HMCN1: variants seen among roughly 807,000 people sequenced by gnomAD.
HMCN1 encodes the protein hemicentin 1.
HMCN1 carries 321 observed loss-of-function variants against 625.9 expected under a neutral mutation model. The ratio of observed to expected loss-of-function variants is 0.51; its 90% CI spans 0.47 to 0.56. The LOEUF (loss-of-function observed/expected upper bound fraction) is 0.56. Ranked by LOEUF, HMCN1 falls within the 20% of genes least tolerant of loss-of-function variation. The probability of loss-of-function intolerance (pLI) is 0.00; values close to 1 mark genes in which losing one functional copy is unlikely to be tolerated. For synonymous variants in HMCN1, 2,425 were observed against 2,417.6 expected, an observed-to-expected ratio of 1.00 and a Z score of -0.09; for missense variants, 6,588 against 6,887.3, an observed-to-expected ratio of 0.96 and a Z score of 1.54.
chr1:185,980,596 G>GTGGTGCAGAGCACCACCATTGA (rs573729912), intron 16 of HMCN1, among the ~76,000 whole-genome samples: 1 of 152,162 alleles, frequency 6.6e-6, no homozygotes, highest in Non-Finnish European at 1.5e-5. Flanking sequence ...TAACAGGGTG[G>GTGGTGCAGAGCACCACCATTGA]TGGTGCAGAG....
intron 2 of HMCN1, among the ~76,000 whole-genome samples, chr1:185,863,774 G>C (rs1172721609): frequency 3.3e-5 from 5 of 152,128 alleles, no homozygotes. Context: ...AGAGATTATA[G>C]GTTAATAGGA....
intron 15 of HMCN1, among the ~76,000 whole-genome samples, chr1:185,973,553 T>C (rs567703281): frequency 1.3e-5 from 2 of 152,076 alleles, no homozygotes; most frequent in Non-Finnish European, 2.9e-5. Context: ...TTTCAGATTG[T>C]TTTTGTGGGC....
intron 99 of HMCN1, 84 bp from the exon 100 acceptor site, chr1:186,166,724 G>C: frequency 6.3e-7 from 1 of 1,596,978 alleles, no homozygotes; most frequent in South Asian, 1.1e-5. Flanking sequence ...GTCCTTCACT[G>C]CTTTTTGTAT....
intron 1 of HMCN1, among the ~76,000 whole-genome samples, chr1:185,745,159 G>C (rs1309554421): frequency 6.6e-6 from 1 of 152,190 alleles, no homozygotes. Context: ...TCCCAGGCCA[G>C]TAAGTGCTGA....
chr1:186,020,137 TA>T (rs1298516228), intron 35 of HMCN1, among the ~76,000 whole-genome samples: 1 of 151,834 alleles, frequency 6.6e-6, no homozygotes, highest in African/African-American at 2.4e-5. Flanking sequence ...AGACTCAATT[TA>T]AAAAAAATTG....
Position 185,846,059 on chromosome 1 carries a change from A to G in HMCN1, c.302A>G (p.Lys101Arg), listed in dbSNP as rs774524448. Residue 101 changes from lysine (K) to arginine (R), a missense_variant, in exon 2 of 107, where the codon AAG (lysine) becomes AGG (arginine). Around this residue, in one of 3 missense-constraint regions of HMCN1, gnomAD observed 4,628 missense variants for 4,853.1 expected, o/e 0.95. Transcript: ENST00000271588. ...CCAGTGACAATTACCACAGATCCCA[A>G]GAAATTTCAATATGAACTCAGAGAA... is the stretch of plus-strand genomic sequence containing the variant. ...IGPVTITTDPKKFQYELRELY... is the reference protein window; with the variant it reads ...IGPVTITTDPRKFQYELRELY... The G allele has an allele frequency of 5.6e-6, 9 of 1,612,534 alleles. No homozygotes were observed. Among genetic ancestry groups the G allele is most frequent in the Admixed American group, 1.7e-5 (1 of 59,984 alleles).
intron 24 of HMCN1, among the ~76,000 whole-genome samples, chr1:185,997,221 A>G (rs1419483315): frequency 6.6e-6 from 1 of 152,130 alleles, no homozygotes; most frequent in Non-Finnish European, 1.5e-5. Context: ...TGGGAAGCAT[A>G]AAATAATGAA....
rs772318755 is a variant in HMCN1 at position 186,065,436 on chromosome 1, G to A, written c.7705+7G>A. On this transcript the variant is annotated splice_region_variant and intron_variant, in intron 49 of 106. Coordinates refer to ENST00000271588, the MANE Select transcript of HMCN1 (RefSeq NM_031935.3). Reference sequence around the variant, plus strand: ...TTCAGTCTTAATGTATTTGGTAGGTGTGGGCTTTTCTTCATATCTTAAAGA... The same window carrying A: ...TTCAGTCTTAATGTATTTGGTAGGTATGGGCTTTTCTTCATATCTTAAAGA... 9 of 1,575,972 alleles carry A rather than the reference G, an allele frequency of 5.7e-6. No individual in the cohort carries two copies. The highest frequency in any genetic ancestry group is 1.4e-5 in the African/African-American group (1 of 73,316).
chr1:185,907,316 G>A (rs554139341), intron 4 of HMCN1, among the ~76,000 whole-genome samples: 1 of 151,782 alleles, frequency 6.6e-6, no homozygotes, highest in Non-Finnish European at 1.5e-5. Flanking sequence ...CAATTCATCC[G>A]TGATGACACT....
chr1:185,829,063 TG>T (rs1319771820), intron 1 of HMCN1, among the ~76,000 whole-genome samples: 2 of 152,080 alleles, frequency 1.3e-5, no homozygotes, highest in Non-Finnish European at 2.9e-5. Flanking sequence ...AAATACACCA[TG>T]TAAAAAAGGA....
At chr1:185,815,922 G>A (rs1659819177) in intron 1 of HMCN1, among the ~76,000 whole-genome samples, 1 of 149,674 alleles carries the variant, frequency 6.7e-6, no homozygotes, top group Non-Finnish European at 1.5e-5. Context: ...TTTCTCTTTA[G>A]CAATATTGTA....
At chr1:186,131,828 A>G (rs1037128554) in intron 85 of HMCN1, among the ~76,000 whole-genome samples, 2 of 152,148 alleles carry the variant, frequency 1.3e-5, no homozygotes, top group South Asian at 4.1e-4. Flanking sequence ...ATTTATTATT[A>G]TAAGTAAATT....
At chr1:185,796,911 A>G (rs1481568086) in intron 1 of HMCN1, among the ~76,000 whole-genome samples, 3 of 152,172 alleles carry the variant, frequency 2.0e-5, no homozygotes, top group African/African-American at 7.2e-5. Flanking sequence ...GTTCTTTGAA[A>G]AATCCCCATA....
intron 2 of HMCN1, among the ~76,000 whole-genome samples, chr1:185,859,718 T>A (rs769025722): frequency 6.6e-6 from 1 of 151,974 alleles, no homozygotes; most frequent in African/African-American, 2.4e-5. Flanking sequence ...CAGTCTAGAG[T>A]GTAGTGGTGC....
Position 185,872,540 on chromosome 1 carries a change from A to G in HMCN1, c.621+6677A>G, listed in dbSNP as rs554150588. 3.3e-5 allele frequency among the ~76,000 whole-genome samples: 5 copies of G among 152,246 alleles called. No individual in the cohort carries two copies. In the South Asian group the frequency reaches 1.0e-3, roughly 32 times the overall value. The stretch of plus-strand genomic sequence containing the variant: ...GTACATAGTACATAATATTTCTCAC[A>G]AATGTTGGGGGGAGAGGATGGATGG... On this transcript the variant is annotated intron_variant, in intron 4 of 106. Coordinates refer to ENST00000271588, the MANE Select transcript of HMCN1 (RefSeq NM_031935.3).
In HMCN1 at chr1:186,017,056, C is replaced by G; in HGVS notation, c.5285C>G (p.Pro1762Arg). ...LELDCHVTGSPPPTIMWLKDG... is the reference protein window; with the variant it reads ...LELDCHVTGSRPPTIMWLKDG... ...CTAGATTGTCATGTGACAGGCTCTC[C>G]CCCACCAACTATCATGTAAGGGTTT... is the stretch of plus-strand genomic sequence containing the variant. Residue 1762 changes from proline to arginine, a missense_variant, in exon 33 of 107, where the codon CCC (proline) becomes CGC (arginine). Coordinates refer to ENST00000271588, the MANE Select transcript of HMCN1 (RefSeq NM_031935.3). 2 of 1,591,038 alleles carry G rather than the reference C, an allele frequency of 1.3e-6. No individual in the cohort carries two copies. Among genetic ancestry groups the G allele is most frequent in the Non-Finnish European group, 1.7e-6 (2 of 1,159,328 alleles).
chr1:186,063,738 A>G (rs1657925374), intron 48 of HMCN1, among the ~76,000 whole-genome samples: 3 of 152,150 alleles, frequency 2.0e-5, no homozygotes, highest in Admixed American at 2.0e-4. Context: ...TTCCAAGAAC[A>G]ATATTGTTAC....
chr1:185,862,561 C>T (rs1662939955), intron 2 of HMCN1, among the ~76,000 whole-genome samples: 1 of 152,084 alleles, frequency 6.6e-6, no homozygotes, highest in Admixed American at 6.6e-5. Context: ...GCATATAGAA[C>T]ACCCAGGAAT....
chr1:185,930,492 A>T lies in HMCN1; in HGVS notation c.1552+1825A>T, dbSNP rs138352081. On this transcript the variant is annotated intron_variant, in intron 10 of 106. Coordinates refer to ENST00000271588, the MANE Select transcript of HMCN1 (RefSeq NM_031935.3). Reference sequence around the variant, plus strand: ...CAGGATAATTCGATCTTATATTTTTAAAGGGATATTAGGAAATAAAGCATT... The same window carrying T: ...CAGGATAATTCGATCTTATATTTTTTAAGGGATATTAGGAAATAAAGCATT... Among the ~76,000 whole-genome samples the T allele has an allele frequency of 4.7e-4, 71 of 152,300 alleles. No homozygotes were observed. The East Asian group carries it at 0.013, about 27-fold the overall frequency.
Sources: allele counts gnomAD v4.1 joint callset (sites outside exome capture counted in the v4.1 genomes callset), GRCh38; gene constraint gnomAD v4.1.1; regional missense constraint gnomAD v4.1.1; transcripts MANE v1.5; gene names NCBI Gene and HGNC (gene_info 2026-07-23, HGNC 2026-07-21).